LRRC9: variants seen among roughly 807,000 people sequenced by gnomAD.
LRRC9 encodes the protein leucine rich repeat containing 9.
A neutral mutation model predicts 63.2 loss-of-function variants in LRRC9; 122 were observed. That is an observed-to-expected ratio of 1.93 (90% CI 1.67 to 2.24). LRRC9 has a LOEUF of 2.24. LRRC9 is among the 30% of genes most tolerant of loss of function. The pLI is 0.00. For missense variants in LRRC9, 1,071 were observed against 627.7 expected (o/e 1.71, Z -7.55); for synonymous variants, 366 against 213.1 (o/e 1.72, Z -6.25).
chr14:60,065,869 AT>A (rs1894875003), downstream of LRRC9, among the ~76,000 whole-genome samples: 1 of 151,758 alleles, frequency 6.6e-6, no homozygotes, highest in Admixed American at 6.6e-5. Context: ...CACTTTATAG[AT>A]TAGAAGCCTC....
At chr14:59,943,106 C>T (rs1881967029) in intron 7 of LRRC9, among the ~76,000 whole-genome samples, 1 of 152,120 alleles carries the variant, frequency 6.6e-6, no homozygotes, top group East Asian at 1.9e-4. Context: ...TATTTTCTCC[C>T]TTCCATAGGT....
At position 59,923,257 on chromosome 14, in the gene LRRC9, A is replaced by T. The variant is rs1407045241; in HGVS notation, c.-34+3374A>T. On this transcript the variant is annotated intron_variant, in intron 1 of 31. Coordinates refer to ENST00000445360, the Ensembl canonical transcript of LRRC9. The surrounding 1 kb of genome is among the most constrained non-coding windows in gnomAD (Gnocchi z 4.2). ...ACAACTTATAGAATTTGGGGTTTTT[A>T]AATTAAATTGTATTTTTCTAATTAG... is the stretch of plus-strand genomic sequence containing the variant. Among the ~76,000 whole-genome samples, 4 of 152,234 alleles carry T rather than the reference A, an allele frequency of 2.6e-5. No homozygotes were observed. The highest frequency in any genetic ancestry group is 6.5e-5 in the Admixed American group (1 of 15,280).
At chr14:60,034,097 T>G (rs1303955358) in intron 29 of LRRC9, among the ~76,000 whole-genome samples, 1 of 142,166 alleles carries the variant, frequency 7.0e-6, no homozygotes, top group Non-Finnish European at 1.5e-5. Context: ...CTCAGCTCAC[T>G]GCAGCCTCTG....
chr14:60,065,790 T>C (rs1894873513), downstream of LRRC9, among the ~76,000 whole-genome samples: 1 of 150,508 alleles, frequency 6.6e-6, no homozygotes, highest in South Asian at 2.1e-4. Context: ...TGCAAGCAAA[T>C]GTATGATTAT....
chr14:60,008,752 G>A (rs1413289877), intron 23 of LRRC9, among the ~76,000 whole-genome samples: 1 of 152,166 alleles, frequency 6.6e-6, no homozygotes, highest in African/African-American at 2.4e-5. Context: ...CCACATAGCA[G>A]GGTAAATGCA....
exon 22 of LRRC9, chr14:60,006,540 C>A (rs1889822168): frequency 2.9e-6 from 2 of 701,384 alleles, no homozygotes; most frequent in Non-Finnish European, 5.2e-6. Flanking sequence ...GAGTGGTTTA[C>A]AAAAATCTTT....
intron 12 of LRRC9, among the ~76,000 whole-genome samples, chr14:59,973,860 T>G (rs545207368): frequency 1.3e-5 from 2 of 152,074 alleles, no homozygotes; most frequent in Non-Finnish European, 2.9e-5. Context: ...ATTTGGCTAT[T>G]AATGTTAAAC....
rs955101678 is a variant in LRRC9, at chr14:59,936,453, A to T, written c.544-1937A>T. Among the ~76,000 whole-genome samples the T allele has an allele frequency of 2.0e-5, 3 of 152,096 alleles. No individual in the cohort carries two copies. The highest frequency in any genetic ancestry group is 4.4e-5 in the Non-Finnish European group (3 of 68,014). ...GAATCAATTCTGTGCCCACCTTCCA[A>T]CCATACCAGGCACCAGAGCACTAAT... On this transcript the variant is annotated intron_variant, in intron 6 of 31. Coordinates refer to ENST00000445360, the Ensembl canonical transcript of LRRC9. This position sits in a 1 kb window ranked among gnomAD's most constrained non-coding sequence, Gnocchi z 4.2.
chr14:60,025,483 T>G (rs1267825599), intron 27 of LRRC9, among the ~76,000 whole-genome samples: 3 of 151,944 alleles, frequency 2.0e-5, no homozygotes, highest in Admixed American at 6.6e-5. Context: ...AATAATGTAA[T>G]GGAGGAGTAT....
At chr14:60,046,031 G>A (rs1284000363) in intron 29 of LRRC9, among the ~76,000 whole-genome samples, 2 of 152,096 alleles carry the variant, frequency 1.3e-5, no homozygotes, top group African/African-American at 2.4e-5. Context: ...GTGATGTTGA[G>A]CTTTTTTTCA....
Position 60,003,789 on chromosome 14 carries a change from A to G in LRRC9, c.2833A>G (p.Lys945Glu). 3.3e-6 allele frequency: 2 copies of G among 611,180 alleles called. No homozygotes were observed. Among genetic ancestry groups the G allele is most frequent in the Non-Finnish European group, 5.8e-6 (2 of 346,698 alleles). 37.9% of individuals were successfully genotyped at this position (611,180 alleles called of 1,614,324 possible). ...CACATTAGATGGAAACTGCATCTCA[A>G]AGATAGAAGGTAAGGTACTTAAGAA... The change falls in exon 21 of 32, where the codon AAG (lysine) becomes GAG (glutamate). Residue 945 changes from lysine to glutamate, a missense_variant. By Grantham distance (56) the Lys-to-Glu change is moderately conservative. Transcript: ENST00000445360. This position sits in a 1 kb window ranked among gnomAD's most constrained non-coding sequence, Gnocchi z 4.2.
In LRRC9 at chr14:60,031,346, T is replaced by C. The variant is rs1048832632; in HGVS notation, c.3922-649T>C. On this transcript the variant is annotated intron_variant, in intron 28 of 31. Coordinates refer to ENST00000445360, the Ensembl canonical transcript of LRRC9. This position sits in a 1 kb window ranked among gnomAD's most constrained non-coding sequence, Gnocchi z 4.6. ...AGGCATGTCAATAACTTTGTTGTGT[T>C]ATATGAACTAGCAACAACCTTAGGC... 2.6e-5 allele frequency among the ~76,000 whole-genome samples: 4 copies of C among 152,086 alleles called. No individual in the cohort carries two copies. Among genetic ancestry groups the C allele is most frequent in the African/African-American group, 7.2e-5 (3 of 41,462 alleles).
At chr14:60,047,014 G>T (rs1247866291) in intron 29 of LRRC9, among the ~76,000 whole-genome samples, 3 of 152,030 alleles carry the variant, frequency 2.0e-5, no homozygotes, top group Non-Finnish European at 4.4e-5. Context: ...TATTCTTTTT[G>T]TAACAATTGT....
At chr14:59,948,406 G>C (rs886578110) in intron 8 of LRRC9, among the ~76,000 whole-genome samples, 1 of 138,954 alleles carries the variant, frequency 7.2e-6, no homozygotes, top group Admixed American at 7.3e-5. Context: ...AGGAGATTTT[G>C]GGCTGAGACG....
At chr14:59,943,055 A>G (rs1387000050) in intron 7 of LRRC9, among the ~76,000 whole-genome samples, 2 of 151,986 alleles carry the variant, frequency 1.3e-5, no homozygotes, top group Non-Finnish European at 2.9e-5. Context: ...TTCGTTGTAT[A>G]TTCTGGATAT....
intron 17 of LRRC9, among the ~76,000 whole-genome samples, chr14:59,989,076 C>G (rs1234132465): frequency 6.6e-6 from 1 of 151,784 alleles, no homozygotes; most frequent in Non-Finnish European, 1.5e-5. Flanking sequence ...GGCCAAATAA[C>G]TTTTTTAGTT....
intron 16 of LRRC9, among the ~76,000 whole-genome samples, chr14:59,984,575 G>A (rs1318776573): frequency 6.6e-6 from 1 of 152,118 alleles, no homozygotes; most frequent in Non-Finnish European, 1.5e-5. Flanking sequence ...AAAAGTCTGG[G>A]CCAAATTCTG....
In LRRC9 at chr14:59,977,099, CAA is replaced by C. The variant is rs775779198; in HGVS notation, c.1640-125_1640-124del. 8.8e-6 allele frequency: 5 copies of C among 570,706 alleles called. No individual in the cohort carries two copies. In the Admixed American group the frequency reaches 1.0e-4, roughly 12 times the overall value. 35.4% of individuals were successfully genotyped at this position (570,706 alleles called of 1,614,324 possible). A position where few individuals can be genotyped will look rare whatever the true frequency, so the allele number is the denominator to read the frequency against. On this transcript the variant is annotated intron_variant, in intron 13 of 31. Transcript: ENST00000445360. ...GTGTTATGCGCTGTACAGTAGCAAACAAGAGAGCCAGCATCTCTGCCTTTACA... is the reference window on the plus strand; with the variant it reads ...GTGTTATGCGCTGTACAGTAGCAAACGAGAGCCAGCATCTCTGCCTTTACA...
intron 8 of LRRC9, among the ~76,000 whole-genome samples, chr14:59,952,473 G>T (rs370166620): frequency 1.3e-5 from 2 of 152,278 alleles, no homozygotes; most frequent in South Asian, 2.1e-4. Context: ...CGTCGCTCAC[G>T]CTGGGAGCTG....
Sources: allele counts gnomAD v4.1 joint callset (sites outside exome capture counted in the v4.1 genomes callset), GRCh38; gene constraint gnomAD v4.1.1; non-coding constraint Gnocchi (gnomAD v3.1); transcripts MANE v1.5; gene names NCBI Gene and HGNC (gene_info 2026-07-23, HGNC 2026-07-21).